KCNIP1: variants seen among roughly 807,000 people sequenced by gnomAD.
KCNIP1 encodes A-type potassium channel modulatory protein KCNIP1.
Under a neutral mutation model 33.0 loss-of-function variants are expected in KCNIP1, and 18 were observed. The ratio of observed to expected loss-of-function variants is 0.55; its 90% CI spans 0.38 to 0.81. KCNIP1 has a LOEUF of 0.81. KCNIP1 is among the 30% of genes least tolerant of loss of function. The probability of loss-of-function intolerance (pLI) is 0.00; values close to 1 mark genes in which losing one functional copy is unlikely to be tolerated. For synonymous variants in KCNIP1, 93 were observed against 98.3 expected (o/e 0.95, Z 0.32); for missense variants, 238 against 271.6 (o/e 0.88, Z 0.87).
intron 1 of KCNIP1, among the ~76,000 whole-genome samples, chr5:170,625,554 C>A (rs550823619): frequency 6.6e-6 from 1 of 152,318 alleles, no homozygotes; most frequent in East Asian, 1.9e-4. Context: ...TGAATGCACT[C>A]CCACCAATTT....
intron 1 of KCNIP1, among the ~76,000 whole-genome samples, chr5:170,401,678 C>T (rs1754908233): frequency 6.6e-6 from 1 of 151,634 alleles, no homozygotes; most frequent in African/African-American, 2.4e-5. Context: ...GGGAGGATGG[C>T]TTGAGCCCAG....
Position 170,442,750 on chromosome 5 carries a change from A to T in KCNIP1, c.88+88786A>T, listed in dbSNP as rs372198034. Among the ~76,000 whole-genome samples, 10 of 152,306 alleles carry T rather than the reference A, an allele frequency of 6.6e-5. No homozygotes were observed. In the South Asian group the frequency reaches 1.7e-3, roughly 25 times the overall value. On this transcript the variant is annotated intron_variant, in intron 1 of 7. Coordinates refer to the KCNIP1 transcript ENST00000377360. ...GTGAGAGAGGGGCTTATGCAGAATGATATTGTCAGTGTAGACATGTTTCAC... is the reference window on the plus strand; with the variant it reads ...GTGAGAGAGGGGCTTATGCAGAATGTTATTGTCAGTGTAGACATGTTTCAC...
intron 1 of KCNIP1, among the ~76,000 whole-genome samples, chr5:170,465,964 C>A (rs918739111): frequency 6.6e-6 from 1 of 152,062 alleles, no homozygotes; most frequent in Admixed American, 6.6e-5. Flanking sequence ...TGTAACTAAC[C>A]GGAACGATGA....
intron 1 of KCNIP1, among the ~76,000 whole-genome samples, chr5:170,700,370 C>T (rs1377399136): frequency 6.6e-6 from 1 of 152,084 alleles, no homozygotes; most frequent in Non-Finnish European, 1.5e-5. Flanking sequence ...AAAATCATTC[C>T]AGCCTGGGAA....
intron 1 of KCNIP1, among the ~76,000 whole-genome samples, chr5:170,471,398 G>A (rs1351643517): frequency 6.6e-6 from 1 of 152,228 alleles, no homozygotes; most frequent in Non-Finnish European, 1.5e-5. Context: ...ATTAGTCAAT[G>A]TCTGCAGACC....
At chr5:170,597,483 C>T (rs1758483172) in intron 1 of KCNIP1, among the ~76,000 whole-genome samples, 1 of 152,104 alleles carries the variant, frequency 6.6e-6, no homozygotes, top group South Asian at 2.1e-4. Flanking sequence ...CACCCCCGCA[C>T]ACACATACCA....
At chr5:170,467,042 T>C (rs1410448821) in intron 1 of KCNIP1, among the ~76,000 whole-genome samples, 1 of 151,994 alleles carries the variant, frequency 6.6e-6, no homozygotes, top group Non-Finnish European at 1.5e-5. Flanking sequence ...AAAGTAGGCA[T>C]TGGATGTGAT....
intron 1 of KCNIP1, among the ~76,000 whole-genome samples, chr5:170,532,042 C>G (rs1011866949): frequency 1.3e-5 from 2 of 152,246 alleles, no homozygotes; most frequent in Admixed American, 6.5e-5. Context: ...ATCCGGCCAA[C>G]TCCTCCATGA....
At chr5:170,579,016 A>G (rs1757700365) in intron 1 of KCNIP1, among the ~76,000 whole-genome samples, 1 of 152,202 alleles carries the variant, frequency 6.6e-6, no homozygotes, top group African/African-American at 2.4e-5. Context: ...GAGTAAGTGT[A>G]TCAGTCAGCA....
At chr5:170,366,698 G>GA (rs1180671704) in intron 1 of KCNIP1, among the ~76,000 whole-genome samples, 2 of 152,218 alleles carry the variant, frequency 1.3e-5, no homozygotes, top group Admixed American at 1.3e-4. Context: ...GAACACCCTT[G>GA]AGTAAGCTAC....
At chr5:170,679,627 G>GTGTGTGTA (rs1762261154) in intron 1 of KCNIP1, among the ~76,000 whole-genome samples, 1 of 20,026 alleles carries the variant, frequency 5.0e-5, no homozygotes, top group African/African-American at 4.7e-4. Flanking sequence ...GTATATGACA[G>GTGTGTGTA]TGTGTGTGTG....
intron 1 of KCNIP1, among the ~76,000 whole-genome samples, chr5:170,595,698 T>A (rs1758419079): frequency 6.6e-6 from 1 of 152,224 alleles, no homozygotes; most frequent in African/African-American, 2.4e-5. Flanking sequence ...AAATATTCTA[T>A]CCCATTTTAC....
At chr5:170,619,551 A>G (rs1759522871) in intron 1 of KCNIP1, among the ~76,000 whole-genome samples, 1 of 152,210 alleles carries the variant, frequency 6.6e-6, no homozygotes, top group African/African-American at 2.4e-5. Flanking sequence ...TGTCTTGACC[A>G]AAATGAGACC....
At chr5:170,734,363 T>C (rs1764311034) in intron 7 of KCNIP1, among the ~76,000 whole-genome samples, 1 of 152,350 alleles carries the variant, frequency 6.6e-6, no homozygotes, top group South Asian at 2.1e-4. Flanking sequence ...ACTCTAGATC[T>C]GGGTCACTTT....
chr5:170,575,566 A>T (rs911874335), intron 1 of KCNIP1, among the ~76,000 whole-genome samples: 14 of 152,274 alleles, frequency 9.2e-5, no homozygotes, highest in African/African-American at 3.1e-4. Flanking sequence ...ATCATTTTTT[A>T]ATCTTGCTTG....
chr5:170,665,394 T>C (rs2113757648), intron 1 of KCNIP1, among the ~76,000 whole-genome samples: 1 of 152,284 alleles, frequency 6.6e-6, no homozygotes, highest in Admixed American at 6.5e-5. Context: ...CTCCAGCTGA[T>C]CTGAGAGATC....
intron 1 of KCNIP1, among the ~76,000 whole-genome samples, chr5:170,573,948 C>T (rs6876518): frequency 0.07 from 10,729 of 152,246 alleles, 528 homozygotes; most frequent in African/African-American, 0.14. Flanking sequence ...TGGTTTTGTT[C>T]AAGTTCTTGG....
At chr5:170,604,535 C>G (rs911969193) in intron 1 of KCNIP1, among the ~76,000 whole-genome samples, 3 of 152,164 alleles carry the variant, frequency 2.0e-5, no homozygotes, top group Non-Finnish European at 4.4e-5. Context: ...AGGGAGAAGC[C>G]AATGGATCTC....
intron 7 of KCNIP1, 80 bp from the exon 8 acceptor site, chr5:170,735,679 T>G: frequency 2.4e-6 from 3 of 1,240,738 alleles, no homozygotes; most frequent in Non-Finnish European, 3.6e-6. Context: ...AACCCATGCT[T>G]GACATTTGCT....
Sources: gnomAD v4.1 joint callset for allele counts (sites outside exome capture counted in the v4.1 genomes callset) on GRCh38, gnomAD v4.1.1 for gene constraint, MANE v1.5 for transcripts, NCBI Gene and HGNC (gene_info 2026-07-23, HGNC 2026-07-21) for gene names.